Variants in NDUFAF2 observed in about 807,000 individuals in gnomAD.
NDUFAF2 encodes the protein NADH:ubiquinone oxidoreductase complex assembly factor 2.
In NDUFAF2, 13 loss-of-function variants were observed where a neutral mutation model predicts 22.8. That is an observed-to-expected ratio of 0.57 (90% CI 0.37 to 0.91). The LOEUF (loss-of-function observed/expected upper bound fraction) is 0.91, where lower values mean the gene tolerates loss of function less well. NDUFAF2 is among the 40% of genes least tolerant of loss of function. The probability of loss-of-function intolerance (pLI) is 0.01; values close to 1 mark genes in which losing one functional copy is unlikely to be tolerated. For synonymous variants in NDUFAF2, 53 were observed against 64.2 expected (o/e 0.83, Z 0.84); for missense variants, 162 against 195.2 (o/e 0.83, Z 1.01).
intron 3 of NDUFAF2, chr5:61,115,243 G>T (rs145883398): frequency 5.2e-5 from 8 of 152,508 alleles, no homozygotes; most frequent in African/African-American, 1.7e-4. Flanking sequence ...TTTATTTAAG[G>T]CCCAAGAGGG....
intron 3 of NDUFAF2, among the ~76,000 whole-genome samples, chr5:61,126,610 T>C (rs1753038266): frequency 6.6e-6 from 1 of 152,126 alleles, no homozygotes; most frequent in South Asian, 2.1e-4. Context: ...TTAAATGTAA[T>C]AATTTTTAAA....
chr5:60,971,032 T>C (rs1311156283), intron 1 of NDUFAF2, among the ~76,000 whole-genome samples: 1 of 152,068 alleles, frequency 6.6e-6, no homozygotes, highest in Non-Finnish European at 1.5e-5. Context: ...ATTTATTGAA[T>C]AGTTATTTAT....
chr5:61,136,750 C>T (rs958816768), intron 3 of NDUFAF2, among the ~76,000 whole-genome samples: 2 of 152,192 alleles, frequency 1.3e-5, no homozygotes, highest in African/African-American at 4.8e-5. Flanking sequence ...GGCAAACGAG[C>T]TCAGTTTTGC....
At chr5:61,060,292 C>T (rs890798524) in intron 1 of NDUFAF2, among the ~76,000 whole-genome samples, 1 of 152,068 alleles carries the variant, frequency 6.6e-6, no homozygotes, top group African/African-American at 2.4e-5. Context: ...TATTTTAGTG[C>T]TCTTAATTTG....
At chr5:61,075,016 C>T (rs1019231885) in intron 2 of NDUFAF2, among the ~76,000 whole-genome samples, 5 of 152,138 alleles carry the variant, frequency 3.3e-5, no homozygotes, top group East Asian at 3.9e-4. Flanking sequence ...ATGGGGAAAC[C>T]GCCCCCATGA....
chr5:61,140,572 A>C (rs1307517440), intron 3 of NDUFAF2, among the ~76,000 whole-genome samples: 1 of 152,242 alleles, frequency 6.6e-6, no homozygotes, highest in Non-Finnish European at 1.5e-5. Context: ...TATAATTTTT[A>C]GGACATAAAT....
At chr5:61,073,652 G>A (rs1425438986) in intron 2 of NDUFAF2, among the ~76,000 whole-genome samples, 1 of 152,102 alleles carries the variant, frequency 6.6e-6, no homozygotes, top group Admixed American at 6.6e-5. Context: ...ATACCATTTG[G>A]AGTATTTTTT....
intron 1 of NDUFAF2, among the ~76,000 whole-genome samples, chr5:61,003,318 T>C (rs562573155): frequency 6.6e-6 from 1 of 152,234 alleles, no homozygotes; most frequent in African/African-American, 2.4e-5. Flanking sequence ...ACTCTTATAA[T>C]TCTAAGAATA....
chr5:60,963,465 G>A (rs1297010697), intron 1 of NDUFAF2, among the ~76,000 whole-genome samples: 2 of 152,126 alleles, frequency 1.3e-5, no homozygotes, highest in Non-Finnish European at 2.9e-5. Flanking sequence ...TTCCATAAGT[G>A]TTGTACATTG....
chr5:61,050,736 A>G (rs548797888), intron 1 of NDUFAF2, among the ~76,000 whole-genome samples: 2 of 152,326 alleles, frequency 1.3e-5, no homozygotes, highest in African/African-American at 4.8e-5. Context: ...GACAGACAGT[A>G]GTCAGCAGTA....
In NDUFAF2 at chr5:61,097,451, A is replaced by G. The variant is rs539956192; in HGVS notation, c.218-1541A>G. 2.0e-5 allele frequency among the ~76,000 whole-genome samples: 3 copies of G among 152,334 alleles called. No individual in the cohort carries two copies. In the East Asian group the frequency reaches 5.8e-4, roughly 29 times the overall value. On this transcript the variant is annotated intron_variant, in intron 2 of 3. Transcript: ENST00000296597. ...TCATTGAATAAGTACTGAAATGAAA[A>G]ACAGAATGGTTTCATACCATGGTAA...
At chr5:61,056,920 ATATATATATATATAT>A (rs1254034142) in intron 1 of NDUFAF2, among the ~76,000 whole-genome samples, 1 of 12,734 alleles carries the variant, frequency 7.9e-5, no homozygotes, top group African/African-American at 2.7e-4. Context: ...AAAAAAAAAA[ATATATATATATATAT>A]ATATATATAT....
chr5:61,111,238 T>C (rs1752836885), intron 3 of NDUFAF2, among the ~76,000 whole-genome samples: 1 of 152,240 alleles, frequency 6.6e-6, no homozygotes, highest in Non-Finnish European at 1.5e-5. Flanking sequence ...TAACGTATAG[T>C]CTGTCCTTGA....
chr5:61,080,647 A>G (rs1752430124), intron 2 of NDUFAF2, among the ~76,000 whole-genome samples: 1 of 152,110 alleles, frequency 6.6e-6, no homozygotes, highest in Non-Finnish European at 1.5e-5. Context: ...TGCCATCTGT[A>G]TATCTTCTTT....
At chr5:61,128,961 C>A (rs777640041) in intron 3 of NDUFAF2, among the ~76,000 whole-genome samples, 7 of 152,088 alleles carry the variant, frequency 4.6e-5, no homozygotes, top group Admixed American at 4.6e-4. Flanking sequence ...AAGAAAAAAA[C>A]AACCCCATCA....
At chr5:61,004,427 T>C (rs1162844670) in intron 1 of NDUFAF2, among the ~76,000 whole-genome samples, 1 of 152,108 alleles carries the variant, frequency 6.6e-6, no homozygotes, top group African/African-American at 2.4e-5. Flanking sequence ...TAAACTACTA[T>C]TGAGGAGTAT....
chr5:61,123,020 A>G (rs1752994970), intron 3 of NDUFAF2, among the ~76,000 whole-genome samples: 1 of 152,148 alleles, frequency 6.6e-6, no homozygotes, highest in African/African-American at 2.4e-5. Context: ...TTTCCTGTCC[A>G]TTGAGCACAT....
intron 3 of NDUFAF2, among the ~76,000 whole-genome samples, chr5:61,127,638 G>A (rs553481361): frequency 3.3e-5 from 5 of 152,150 alleles, no homozygotes; most frequent in South Asian, 2.1e-4. Flanking sequence ...TTGATGGGAC[G>A]TATCTCAAAA....
At chr5:60,997,234 A>G (rs1266544330) in intron 1 of NDUFAF2, among the ~76,000 whole-genome samples, 1 of 152,240 alleles carries the variant, frequency 6.6e-6, no homozygotes, top group Non-Finnish European at 1.5e-5. Context: ...TTATCAACAT[A>G]AAGGTTTGGT....
Sources: allele counts gnomAD v4.1 joint callset (sites outside exome capture counted in the v4.1 genomes callset), GRCh38; gene constraint gnomAD v4.1.1; transcripts MANE v1.5; gene names NCBI Gene and HGNC (gene_info 2026-07-23, HGNC 2026-07-21).